Variants in MBD5 observed in about 807,000 individuals in gnomAD.
MBD5 encodes methyl-CpG-binding domain protein 5.
MBD5 carries 13 observed loss-of-function variants against 117.3 expected under a neutral mutation model. The ratio of observed to expected loss-of-function variants is 0.11; its 90% CI spans 0.07 to 0.18. The LOEUF (loss-of-function observed/expected upper bound fraction) is 0.18. Among genes scored for constraint, MBD5 ranks in the 10% least tolerant of loss-of-function variants. MBD5 has a pLI of 1.00. For synonymous variants in MBD5, 727 were observed against 766.4 expected (o/e 0.95, Z 0.85); for missense variants, 1,879 against 2,093.8 (o/e 0.90, Z 2.00).
In MBD5 at chr2:148,513,475, A is replaced by G. The variant is rs978678746; in HGVS notation, c.*534A>G. On this transcript the variant is annotated 3_prime_UTR_variant, in exon 14 of 14. Transcript: ENST00000642680. Reference sequence around the variant, plus strand: ...CTAAATGCTTTTCTATGATAATGTAAAAGATGCTGTTTTTGTATTTAACAG... The same window carrying G: ...CTAAATGCTTTTCTATGATAATGTAGAAGATGCTGTTTTTGTATTTAACAG... 4 of 158,732 alleles carry G rather than the reference A, an allele frequency of 2.5e-5. No individual in the cohort carries two copies. The highest frequency in any genetic ancestry group is 1.8e-4 in the Admixed American group (3 of 16,716). 9.8% of individuals were successfully genotyped at this position (158,732 alleles called of 1,614,324 possible).
chr2:148,211,915 T>C (rs1422795663), intron 2 of MBD5, among the ~76,000 whole-genome samples: 1 of 151,964 alleles, frequency 6.6e-6, no homozygotes, highest in Non-Finnish European at 1.5e-5. Flanking sequence ...CAGCTAATTT[T>C]TTTCTGTATT....
intron 2 of MBD5, among the ~76,000 whole-genome samples, chr2:148,208,655 C>A (rs995102722): frequency 5.8e-5 from 8 of 138,036 alleles, no homozygotes; most frequent in African/African-American, 1.8e-4. Context: ...GTTATCTGTT[C>A]TTTTTTTTTT....
intron 3 of MBD5, among the ~76,000 whole-genome samples, chr2:148,255,547 G>A (rs1700567999): frequency 6.6e-6 from 1 of 152,190 alleles, no homozygotes. Context: ...CTATTCCCCT[G>A]CCTTCAGGTG....
chr2:148,131,486 GA>G (rs1240577706), intron 1 of MBD5, among the ~76,000 whole-genome samples: 1 of 152,134 alleles, frequency 6.6e-6, no homozygotes, highest in African/African-American at 2.4e-5. Flanking sequence ...TTGATGCCAG[GA>G]GTTCAAGTCC....
chr2:148,279,363 G>A (rs2106374413), intron 3 of MBD5, among the ~76,000 whole-genome samples: 1 of 152,314 alleles, frequency 6.6e-6, no homozygotes, highest in Admixed American at 6.5e-5. Context: ...ACAGGAGTTC[G>A]AGGGTGCAGT....
chr2:148,079,090 T>C lies in MBD5; in HGVS notation c.-925+57406T>C, dbSNP rs544498880. ...CCCTGTCTTTATTTTGACTGTCCAC[T>C]GAAATGTATTTCCAGGTCAAAAACA... On this transcript the variant is annotated intron_variant, in intron 1 of 13. Coordinates refer to ENST00000642680, the MANE Select transcript of MBD5 (RefSeq NM_001378120.1). 2.0e-5 allele frequency among the ~76,000 whole-genome samples: 3 copies of C among 152,344 alleles called. No homozygotes were observed. In the East Asian group the frequency reaches 5.8e-4, roughly 29 times the overall value.
intron 7 of MBD5, among the ~76,000 whole-genome samples, chr2:148,466,643 A>T (rs1333082078): frequency 6.6e-6 from 1 of 152,154 alleles, no homozygotes; most frequent in East Asian, 1.9e-4. Flanking sequence ...TCCTTTAATT[A>T]CAAACTTTAA....
At chr2:148,155,204 A>T (rs182998557) in intron 1 of MBD5, among the ~76,000 whole-genome samples, 1 of 152,300 alleles carries the variant, frequency 6.6e-6, no homozygotes, top group Admixed American at 6.5e-5. Context: ...ATGCTTAGGG[A>T]AGTCATCACT....
At position 148,463,898 on chromosome 2, in the gene MBD5, A is replaced by G; in HGVS notation, c.376A>G (p.Thr126Ala). ...AGCCCCACATCCTTCTCTGGTGCTC[A>G]CCAGTCCCGGAGGAGGAACAAGTAT... ...MEAPHPSLVL[T>A]SPGGGTNATP... The change falls in exon 7 of 14, where the codon ACC becomes GCC. Residue 126 changes from threonine to alanine, a missense_variant. Transcript: ENST00000642680. 6.2e-7 allele frequency: 1 copy of G among 1,613,624 alleles called. No individual in the cohort carries two copies. Among genetic ancestry groups the G allele is most frequent in the Non-Finnish European group, 8.5e-7 (1 of 1,179,666 alleles).
At position 148,468,722 on chromosome 2, in the gene MBD5, C is replaced by T; in HGVS notation, c.779C>T (p.Ala260Val). The change falls in exon 8 of 14, where the codon GCT (alanine) becomes GTT (valine). Residue 260 changes from alanine (A) to valine (V), a missense_variant. Physicochemically the swap from Ala to Val is moderately conservative, Grantham distance 64 (BLOSUM62 0). Coordinates refer to ENST00000642680, the MANE Select transcript of MBD5 (RefSeq NM_001378120.1). ...AGAAGTAATCCTGGTTTTCATGGAG[C>T]TCCCAATTCTAGTCCTATTCACCTG... ...FTRSNPGFHGAPNSSPIHLNR... is the reference protein window; with the variant it reads ...FTRSNPGFHGVPNSSPIHLNR... The T allele has an allele frequency of 6.2e-7, 1 of 1,613,914 alleles. No homozygotes were observed. The highest frequency in any genetic ancestry group is 8.5e-7 in the Non-Finnish European group (1 of 1,179,904).
chr2:148,035,172 A>G (rs1007418586), intron 1 of MBD5, among the ~76,000 whole-genome samples: 10 of 152,138 alleles, frequency 6.6e-5, no homozygotes, highest in Non-Finnish European at 2.9e-5. Context: ...AAAAAAATGA[A>G]AAAAATGGAT....
intron 1 of MBD5, among the ~76,000 whole-genome samples, chr2:148,037,653 G>A (rs555452065): frequency 6.6e-6 from 1 of 151,936 alleles, no homozygotes; most frequent in Admixed American, 6.6e-5. Context: ...AACAGAATGT[G>A]CAGTGTATTC....
In MBD5 at chr2:148,490,503, G is replaced by A; in HGVS notation, c.4871G>A (p.Gly1624Asp). ...RTFNVGDLVWGQIKGLTSWPG... is the reference protein window; with the variant it reads ...RTFNVGDLVWDQIKGLTSWPG... ...TTCAATGTTGGCGACTTGGTCTGGG[G>A]CCAAATCAAAGGACTGACTTCCTGG... is the stretch of plus-strand genomic sequence containing the variant. Residue 1624 changes from glycine to aspartate, a missense_variant, in exon 11 of 14, where the codon GGC becomes GAC. Gly to Asp is a moderately conservative substitution (Grantham distance 94). Around this residue, in one of 4 missense-constraint regions of MBD5, gnomAD observed 135 missense variants for 148.0 expected, o/e 0.91. Coordinates refer to ENST00000642680, the MANE Select transcript of MBD5 (RefSeq NM_001378120.1). The A allele has an allele frequency of 6.2e-7, 1 of 1,614,176 alleles. No individual in the cohort carries two copies. The highest frequency in any genetic ancestry group is 2.2e-5 in the East Asian group (1 of 44,880).
chr2:148,278,717 C>T (rs1235923427), intron 3 of MBD5, among the ~76,000 whole-genome samples: 1 of 152,138 alleles, frequency 6.6e-6, no homozygotes, highest in East Asian at 1.9e-4. Flanking sequence ...AATTGGCTCA[C>T]TTGATTATGG....
chr2:148,066,286 T>A (rs553922953), intron 1 of MBD5, among the ~76,000 whole-genome samples: 1 of 151,992 alleles, frequency 6.6e-6, no homozygotes. Context: ...AAATCCAGCC[T>A]GGGTGACAAA....
intron 1 of MBD5, among the ~76,000 whole-genome samples, chr2:148,125,524 T>C (rs546061445): frequency 1.3e-5 from 2 of 152,224 alleles, no homozygotes; most frequent in Non-Finnish European, 2.9e-5. Context: ...AACAAACATA[T>C]AATTCAGTAT....
intron 1 of MBD5, among the ~76,000 whole-genome samples, chr2:148,036,438 T>G (rs1694197126): frequency 6.6e-6 from 1 of 152,164 alleles, no homozygotes; most frequent in Admixed American, 6.5e-5. Context: ...TTGTATTAGC[T>G]TGTGTCTGCT....
At chr2:148,368,995 A>G (rs556137112) in intron 4 of MBD5, among the ~76,000 whole-genome samples, 1 of 152,302 alleles carries the variant, frequency 6.6e-6, no homozygotes, top group South Asian at 2.1e-4. Flanking sequence ...ATATTGTAAT[A>G]AACTTTCATT....
chr2:148,267,859 T>C (rs1700893218), intron 3 of MBD5, among the ~76,000 whole-genome samples: 1 of 152,100 alleles, frequency 6.6e-6, no homozygotes, highest in Non-Finnish European at 1.5e-5. Flanking sequence ...TAATAATACA[T>C]CTTCTGTTTT....
Sources: allele counts gnomAD v4.1 joint callset (sites outside exome capture counted in the v4.1 genomes callset), GRCh38; gene constraint gnomAD v4.1.1; regional missense constraint gnomAD v4.1.1; transcripts MANE v1.5; gene names NCBI Gene and HGNC (gene_info 2026-07-23, HGNC 2026-07-21).